Variants in SIM2 observed in about 807,000 individuals in gnomAD.
SIM2 encodes SIM bHLH transcription factor 2.
SIM2 carries 28 observed loss-of-function variants against 64.8 expected under a neutral mutation model. The observed-to-expected ratio is 0.43, with a 90% CI of 0.32 to 0.59. SIM2 has a LOEUF of 0.59. SIM2 is among the 20% of genes least tolerant of loss of function. The pLI is 0.07. For missense variants in SIM2, 847 were observed against 871.4 expected (o/e 0.97, Z 0.35); for synonymous variants, 408 against 391.1 (o/e 1.04, Z -0.51).
chr21:36,737,505 G>A (rs1203562793), intron 7 of SIM2, among the ~76,000 whole-genome samples: 2 of 152,240 alleles, frequency 1.3e-5, no homozygotes, highest in Non-Finnish European at 2.9e-5. Context: ...GGTGGAGAAG[G>A]GATCAGTGTC....
intron 5 of SIM2, among the ~76,000 whole-genome samples, chr21:36,725,296 G>C (rs1389947633): frequency 6.6e-6 from 1 of 152,160 alleles, no homozygotes; most frequent in Non-Finnish European, 1.5e-5. Flanking sequence ...GCTGCAGTGA[G>C]CCTGATTGCA....
At chr21:36,706,482 G>A (rs553406349) in intron 1 of SIM2, among the ~76,000 whole-genome samples, 1 of 152,200 alleles carries the variant, frequency 6.6e-6, no homozygotes, top group Admixed American at 6.5e-5. Flanking sequence ...ACCCCGAGGC[G>A]CCTAGCACAG....
rs372019210 is a variant in SIM2, at chr21:36,709,258, G to A, written c.258+8G>A. ...GGATCGCACTTGCTGCAGGTAGAGC[G>A]GCCTCGCCGGGGGAGGAGCGCAGCC... is the stretch of plus-strand genomic sequence containing the variant. On this transcript the variant is annotated splice_region_variant and intron_variant, in intron 2 of 10. Transcript: ENST00000290399. 2 of 1,586,858 alleles carry A rather than the reference G, an allele frequency of 1.3e-6. No individual in the cohort carries two copies. Among genetic ancestry groups the A allele is most frequent in the Non-Finnish European group, 8.6e-7 (1 of 1,167,680 alleles).
At chr21:36,713,546 C>T (rs2088704874) in intron 3 of SIM2, among the ~76,000 whole-genome samples, 1 of 152,158 alleles carries the variant, frequency 6.6e-6, no homozygotes, top group South Asian at 2.1e-4. Context: ...TGAAGACACA[C>T]TAGAATTAAT....
intron 7 of SIM2, among the ~76,000 whole-genome samples, chr21:36,740,622 G>T (rs2089148080): frequency 6.6e-6 from 1 of 152,234 alleles, no homozygotes; most frequent in Non-Finnish European, 1.5e-5. Flanking sequence ...GCCACAGACA[G>T]CCCAGGAGTG....
chr21:36,699,999 G>C lies in SIM2; in HGVS notation c.175+78G>C. 1 of 1,418,504 alleles carries C rather than the reference G, an allele frequency of 7.0e-7. No homozygotes were observed. Among genetic ancestry groups the C allele is most frequent in the South Asian group, 1.3e-5 (1 of 75,254 alleles). The allele number at this position is 1,418,504 out of a possible 1,614,324, so 87.9% of individuals were successfully genotyped here. A position where few individuals can be genotyped will look rare whatever the true frequency, so the allele number is the denominator to read the frequency against. Reference sequence around the variant, plus strand: ...CCAGGCGGGAAGCGCAAGCCAGCCCGCCCAGAGGGGTTGCCGCGGCCTGGC... The same window carrying C: ...CCAGGCGGGAAGCGCAAGCCAGCCCCCCCAGAGGGGTTGCCGCGGCCTGGC... On this transcript the variant is annotated intron_variant, in intron 1 of 10. Coordinates refer to ENST00000290399, the MANE Select transcript of SIM2 (RefSeq NM_005069.6). The surrounding 1 kb of genome is among the most constrained non-coding windows in gnomAD (Gnocchi z 5.6).
chr21:36,731,560 T>A (rs1275838952), intron 7 of SIM2, among the ~76,000 whole-genome samples: 1 of 152,166 alleles, frequency 6.6e-6, no homozygotes, highest in East Asian at 1.9e-4. Flanking sequence ...GGTCTCACTG[T>A]CATGATCCTC....
intron 3 of SIM2, among the ~76,000 whole-genome samples, chr21:36,714,959 G>A (rs1432326247): frequency 6.6e-6 from 1 of 152,180 alleles, no homozygotes; most frequent in Non-Finnish European, 1.5e-5. Flanking sequence ...TGAGAGAGGA[G>A]AGGGGTTAGG....
rs2088679615 is a variant in SIM2, at chr21:36,711,696, T to G, written c.259-837T>G. On this transcript the variant is annotated intron_variant, in intron 2 of 10. Transcript: ENST00000290399. ...GGGTTGTATGAGTCTTTCACCAACT[T>G]TATTGCTTTTCTTTGGTTCTGGATC... Among the ~76,000 whole-genome samples, 5 of 152,238 alleles carry G rather than the reference T, an allele frequency of 3.3e-5. No individual in the cohort carries two copies. In the South Asian group the frequency reaches 1.0e-3, roughly 32 times the overall value.
intron 9 of SIM2, among the ~76,000 whole-genome samples, chr21:36,743,878 G>C (rs1014889922): frequency 6.6e-6 from 1 of 152,242 alleles, no homozygotes; most frequent in Non-Finnish European, 1.5e-5. Context: ...TAGAATACCA[G>C]TCCATTGTAT....
chr21:36,705,156 G>A (rs1243332558), intron 1 of SIM2, among the ~76,000 whole-genome samples: 1 of 152,214 alleles, frequency 6.6e-6, no homozygotes, highest in African/African-American at 2.4e-5. Context: ...GTCGTGCTGC[G>A]GCTTCTGGGT....
At chr21:36,706,960 G>C (rs1223057121) in intron 1 of SIM2, among the ~76,000 whole-genome samples, 2 of 152,242 alleles carry the variant, frequency 1.3e-5, no homozygotes, top group South Asian at 2.1e-4. Context: ...TTTGCATGTA[G>C]AGCCAGGGCC....
intron 6 of SIM2, 51 bp from the exon 7 acceptor site, chr21:36,730,994 A>C (rs376055256): frequency 2.4e-5 from 31 of 1,313,324 alleles, no homozygotes; most frequent in Non-Finnish European, 3.2e-5. Context: ...AGTTTAAATG[A>C]AAGGCAGTCT....
At chr21:36,705,139 G>T (rs1016950686) in intron 1 of SIM2, among the ~76,000 whole-genome samples, 6 of 152,232 alleles carry the variant, frequency 3.9e-5, no homozygotes, top group Non-Finnish European at 7.3e-5. Context: ...TACCGCCCTT[G>T]CAGGGGGTCG....
rs755086832 is a variant in SIM2, at chr21:36,747,655, G to A, written c.1577-10G>A. 12 of 1,243,956 alleles carry A rather than the reference G, an allele frequency of 9.6e-6. No individual in the cohort carries two copies. The South Asian group carries it at 2.8e-4, about 29-fold the overall frequency. 77.1% of individuals were successfully genotyped at this position (1,243,956 alleles called of 1,614,324 possible). A position where few individuals can be genotyped will look rare whatever the true frequency, so the allele number is the denominator to read the frequency against. The stretch of plus-strand genomic sequence containing the variant: ...CTTGCTGCCCTCTAACGTGTCGCCT[G>A]TCCCCGCAGCGCCCGCCGCCGCCGT... On this transcript the variant is annotated splice_polypyrimidine_tract_variant and intron_variant, in intron 10 of 10. Transcript: ENST00000290399. The surrounding 1 kb of genome is among the most constrained non-coding windows in gnomAD (Gnocchi z 4.5).
intron 6 of SIM2, 44 bp from the exon 7 acceptor site, chr21:36,731,001 G>A (rs779997341): frequency 2.2e-6 from 3 of 1,383,954 alleles, no homozygotes; most frequent in African/African-American, 2.8e-5. Flanking sequence ...ATGAAAGGCA[G>A]TCTGCAGAGT....
At chr21:36,703,554 C>A in intron 1 of SIM2, among the ~76,000 whole-genome samples, 1 of 152,150 alleles carries the variant, frequency 6.6e-6, no homozygotes, top group East Asian at 1.9e-4. Context: ...TTTGAAGACC[C>A]CTGCTTTCTG....
At chr21:36,741,679 C>A (rs374194854) in intron 7 of SIM2, 38 bp from the exon 8 acceptor site, 4 of 1,605,482 alleles carry the variant, frequency 2.5e-6, no homozygotes, top group Admixed American at 3.4e-5. Flanking sequence ...GTGGGGCCTG[C>A]GAAGCGTCTG....
chr21:36,745,186 G>A lies in SIM2; in HGVS notation c.1576+50G>A, dbSNP rs1466544664. Reference sequence around the variant, plus strand: ...AGGTGGGAGGACTGCGCACGGCCGGGAGCCGAAGCAGCCATGGCGGTGGGT... The same window carrying A: ...AGGTGGGAGGACTGCGCACGGCCGGAAGCCGAAGCAGCCATGGCGGTGGGT... On this transcript the variant is annotated intron_variant, in intron 10 of 10. Transcript: ENST00000290399. This position sits in a 1 kb window ranked among gnomAD's most constrained non-coding sequence, Gnocchi z 4.8. 1 of 1,560,082 alleles carries A rather than the reference G, an allele frequency of 6.4e-7. No individual in the cohort carries two copies. Among genetic ancestry groups the A allele is most frequent in the Non-Finnish European group, 8.7e-7 (1 of 1,152,672 alleles).
Sources: allele counts gnomAD v4.1 joint callset (sites outside exome capture counted in the v4.1 genomes callset), GRCh38; gene constraint gnomAD v4.1.1; non-coding constraint Gnocchi (gnomAD v3.1); transcripts MANE v1.5; gene names NCBI Gene and HGNC (gene_info 2026-07-23, HGNC 2026-07-21).